Variants in FSTL4 observed in about 807,000 individuals in gnomAD.
The protein encoded by FSTL4 is follistatin like 4, also known as follistatin-related protein 4.
In FSTL4, 28 loss-of-function variants were observed where a neutral mutation model predicts 78.2. The observed-to-expected ratio is 0.36, with a 90% confidence interval of 0.27 to 0.49. FSTL4 has a LOEUF of 0.49. Ranked by LOEUF, FSTL4 falls within the 20% of genes least tolerant of loss-of-function variation. The probability of loss-of-function intolerance (pLI) is 0.98; values close to 1 mark genes in which losing one functional copy is unlikely to be tolerated. For synonymous variants in FSTL4, 422 were observed against 440.5 expected (o/e 0.96, Z 0.53); for missense variants, 922 against 1,084.9 (o/e 0.85, Z 2.11).
chr5:133,596,923 C>A (rs1231995536), intron 2 of FSTL4, among the ~76,000 whole-genome samples: 1 of 152,250 alleles, frequency 6.6e-6, no homozygotes, highest in African/African-American at 2.4e-5. Context: ...TTGTTCCAGA[C>A]CTTCCTGACT....
At chr5:133,737,569 G>A in the FSTL4 span, among the ~76,000 whole-genome samples, 1 of 151,526 alleles carries the variant, frequency 6.6e-6, no homozygotes, top group East Asian at 1.9e-4. Context: ...AACAAACATA[G>A]GAGTGCACAC....
the FSTL4 span, among the ~76,000 whole-genome samples, chr5:133,758,013 G>C: frequency 1.3e-5 from 2 of 152,164 alleles, no homozygotes; most frequent in African/African-American, 4.8e-5. Context: ...ACACAGTTTG[G>C]TTACTTTGAG....
the FSTL4 span, among the ~76,000 whole-genome samples, chr5:133,769,665 C>T: frequency 6.6e-6 from 1 of 152,144 alleles, no homozygotes; most frequent in Non-Finnish European, 1.5e-5. Context: ...TAAGTATTTC[C>T]ATTTCCAGTC....
In FSTL4 at chr5:133,221,891, G is replaced by GTTTTTTTTTT. The variant is rs59400068; in HGVS notation, c.1340-1035_1340-1026dup. ...AATATGTAGAAAAATCTCTTTTCTA[G>GTTTTTTTTTT]TTTTTTTTTTTTTTTTTTTTTTTTT... On this transcript the variant is annotated intron_variant, in intron 11 of 15. Transcript: ENST00000265342. Among the ~76,000 whole-genome samples the GTTTTTTTTTT allele has an allele frequency of 5.3e-4, 23 of 43,358 alleles. 2 individuals are homozygous for GTTTTTTTTTT. The highest frequency in any genetic ancestry group is 1.1e-3 in the Non-Finnish European group (19 of 16,682). The allele number at this position is 43,358 out of a possible 152,430, so 28.4% of individuals were successfully genotyped here.
At chr5:133,773,957 G>A in the FSTL4 span, among the ~76,000 whole-genome samples, 1 of 152,174 alleles carries the variant, frequency 6.6e-6, no homozygotes, top group South Asian at 2.1e-4. Flanking sequence ...CATGGCATAT[G>A]ATGGAGTGCA....
chr5:133,733,609 A>G, the FSTL4 span, among the ~76,000 whole-genome samples: 1 of 152,264 alleles, frequency 6.6e-6, no homozygotes, highest in East Asian at 1.9e-4. Flanking sequence ...GCATGAAAAA[A>G]TAATAATAAA....
intron 12 of FSTL4, among the ~76,000 whole-genome samples, chr5:133,219,601 A>G (rs192168771): frequency 6.6e-6 from 1 of 152,292 alleles, no homozygotes; most frequent in Non-Finnish European, 1.5e-5. Flanking sequence ...TCCCATTGTA[A>G]TTCTCGTTAG....
intron 6 of FSTL4, among the ~76,000 whole-genome samples, chr5:133,283,376 C>G (rs1043445296): frequency 6.6e-6 from 1 of 152,120 alleles, no homozygotes; most frequent in African/African-American, 2.4e-5. Flanking sequence ...GTGACCTGGG[C>G]CCTGTCTTGG....
chr5:133,345,075 TCTC>T (rs1297373800), intron 4 of FSTL4, among the ~76,000 whole-genome samples: 2 of 151,694 alleles, frequency 1.3e-5, no homozygotes, highest in African/African-American at 4.8e-5. Context: ...TTCACGCCAT[TCTC>T]CTGCCTCAGC....
the FSTL4 span, among the ~76,000 whole-genome samples, chr5:133,623,115 G>C: frequency 6.6e-6 from 1 of 151,248 alleles, no homozygotes; most frequent in Non-Finnish European, 1.5e-5. Flanking sequence ...CAAATGTCCA[G>C]CACCATTTGT....
the FSTL4 span, among the ~76,000 whole-genome samples, chr5:133,760,425 A>T: frequency 6.6e-6 from 1 of 152,146 alleles, no homozygotes; most frequent in East Asian, 1.9e-4. Context: ...TGCTGCCTCC[A>T]TGCCATAATG....
the FSTL4 span, among the ~76,000 whole-genome samples, chr5:133,739,895 CTTT>C: frequency 2.9e-5 from 4 of 138,416 alleles, no homozygotes; most frequent in Admixed American, 7.2e-5. Flanking sequence ...TAAGCTCTGT[CTTT>C]TTTTTTTTTT....
the FSTL4 span, among the ~76,000 whole-genome samples, chr5:133,762,832 C>T: frequency 6.6e-6 from 1 of 152,170 alleles, no homozygotes; most frequent in African/African-American, 2.4e-5. Flanking sequence ...TCTATCCCTC[C>T]AGCAAGTGGG....
At chr5:133,463,299 G>T (rs537377633) in intron 3 of FSTL4, among the ~76,000 whole-genome samples, 2 of 152,218 alleles carry the variant, frequency 1.3e-5, no homozygotes, top group Admixed American at 1.3e-4. Context: ...AATTTATCCA[G>T]GATCCTCCAC....
the FSTL4 span, among the ~76,000 whole-genome samples, chr5:133,674,611 CTGTGTG>C: frequency 4.3e-5 from 6 of 138,514 alleles, no homozygotes; most frequent in East Asian, 4.1e-4. Context: ...GTGTGTGTGT[CTGTGTG>C]TGTGTGTGTG....
At chr5:133,799,259 G>T in the FSTL4 span, among the ~76,000 whole-genome samples, 2 of 137,570 alleles carry the variant, frequency 1.5e-5, no homozygotes, top group Admixed American at 7.5e-5. Flanking sequence ...GAAACCTAGT[G>T]GGGGAGTCAA....
At chr5:133,534,032 T>C (rs1170184797) in intron 3 of FSTL4, among the ~76,000 whole-genome samples, 1 of 152,158 alleles carries the variant, frequency 6.6e-6, no homozygotes, top group East Asian at 1.9e-4. Flanking sequence ...TTTGTGCTAC[T>C]ATAACAGAAT....
At chr5:133,454,882 CTA>C (rs1413513779) in intron 3 of FSTL4, among the ~76,000 whole-genome samples, 4 of 152,222 alleles carry the variant, frequency 2.6e-5, no homozygotes, top group Non-Finnish European at 4.4e-5. Context: ...GCATTCTCTC[CTA>C]TCACAGGGGT....
the FSTL4 span, among the ~76,000 whole-genome samples, chr5:133,786,906 A>C: frequency 6.6e-6 from 1 of 152,158 alleles, no homozygotes; most frequent in African/African-American, 2.4e-5. Flanking sequence ...CACCATTCTC[A>C]TTTCACAGAT....
Sources: allele counts gnomAD v4.1 joint callset (sites outside exome capture counted in the v4.1 genomes callset), GRCh38; gene constraint gnomAD v4.1.1; transcripts MANE v1.5; gene names NCBI Gene and HGNC (gene_info 2026-07-23, HGNC 2026-07-21).